Variants in PRKG1 observed in about 807,000 individuals in gnomAD.
The protein encoded by PRKG1 is cGMP-dependent protein kinase 1.
Under a neutral mutation model 88.1 loss-of-function variants are expected in PRKG1, and 35 were observed. That is an observed-to-expected ratio of 0.40 (90% CI 0.30 to 0.53). The LOEUF (loss-of-function observed/expected upper bound fraction) is 0.53. Ranked by LOEUF, PRKG1 falls within the 20% of genes least tolerant of loss-of-function variation. The pLI, the probability that PRKG1 is intolerant of heterozygous loss-of-function variation, is 0.59. For missense variants in PRKG1, 540 were observed against 839.8 expected (o/e 0.64, Z 4.41); for synonymous variants, 303 against 292.5 (o/e 1.04, Z -0.37).
At chr10:51,618,653 TAG>T (rs756742444) in intron 3 of PRKG1, among the ~76,000 whole-genome samples, 13 of 152,182 alleles carry the variant, frequency 8.5e-5, no homozygotes, top group Non-Finnish European at 1.8e-4. Context: ...ACAAGTAATA[TAG>T]AGTTTTGGAT....
chr10:51,804,847 T>A (rs1387921831), intron 4 of PRKG1, among the ~76,000 whole-genome samples, 157 bp downstream of exon 4: 1 of 152,028 alleles, frequency 6.6e-6, no homozygotes, highest in Non-Finnish European at 1.5e-5. Context: ...CATGCTTCTT[T>A]ATATTTCTGG....
intron 2 of PRKG1, among the ~76,000 whole-genome samples, chr10:51,226,692 A>G (rs998599572): frequency 2.6e-5 from 4 of 152,322 alleles, no homozygotes; most frequent in Middle Eastern, 3.4e-3. Flanking sequence ...AGGCAGATCC[A>G]AGAACTCCAC....
At chr10:51,879,810 G>A (rs1358992968) in intron 4 of PRKG1, among the ~76,000 whole-genome samples, 1 of 152,186 alleles carries the variant, frequency 6.6e-6, no homozygotes, top group Non-Finnish European at 1.5e-5. Flanking sequence ...AATGCCACCT[G>A]TGGGCATCTG....
chr10:51,864,028 T>C (rs1167430744), intron 4 of PRKG1, among the ~76,000 whole-genome samples: 1 of 152,202 alleles, frequency 6.6e-6, no homozygotes, highest in Non-Finnish European at 1.5e-5. Context: ...TCAGCATCCT[T>C]CCCAGCATCC....
At chr10:51,097,953 A>AG in intron 1 of PRKG1, among the ~76,000 whole-genome samples, 1 of 150,766 alleles carries the variant, frequency 6.6e-6, no homozygotes, top group South Asian at 2.1e-4. Context: ...TAACTGGAAA[A>AG]AAACTAGCCT....
At chr10:51,124,398 G>C (rs1380262498) in intron 1 of PRKG1, among the ~76,000 whole-genome samples, 1 of 151,822 alleles carries the variant, frequency 6.6e-6, no homozygotes, top group East Asian at 1.9e-4. Flanking sequence ...GGATGGAGAG[G>C]GTCTTTTTCT....
At chr10:52,226,786 A>G (rs6480767) in intron 9 of PRKG1, among the ~76,000 whole-genome samples, 20,158 of 151,934 alleles carry the variant, frequency 0.13, 2,408 homozygotes, top group African/African-American at 0.32. Flanking sequence ...GAACAGGTCA[A>G]AATCCATGGA....
chr10:51,114,978 T>A (rs1244716915), intron 1 of PRKG1, among the ~76,000 whole-genome samples: 2 of 152,100 alleles, frequency 1.3e-5, no homozygotes, highest in Non-Finnish European at 2.9e-5. Context: ...ATGTGCAATA[T>A]CTGATATATT....
rs1210537677 is a variant in PRKG1 at position 52,293,843 on chromosome 10, T to G, written c.2004T>G (p.Pro668=). The G allele has an allele frequency of 1.9e-6, 3 of 1,613,432 alleles. No individual in the cohort carries two copies. The change falls in exon 18 of 18, where the codon CCT becomes CCG. Residue 668 remains proline, a synonymous_variant. Coordinates refer to ENST00000373980, the MANE Select transcript of PRKG1 (RefSeq NM_006258.4). Reference sequence around the variant, plus strand: ...ACACAAGTAATTTTGACAGTTTCCCTGAGGACAACGATGAACCACCACCTG... The same window carrying G: ...ACACAAGTAATTTTGACAGTTTCCCGGAGGACAACGATGAACCACCACCTG... ...PTDTSNFDSF[P]EDNDEPPPDD... is the part of the protein sequence containing the mutation.
chr10:51,118,252 G>GA (rs1231052168), intron 1 of PRKG1, among the ~76,000 whole-genome samples: 3 of 151,382 alleles, frequency 2.0e-5, no homozygotes, highest in African/African-American at 2.4e-5. Flanking sequence ...ATGGGATTTT[G>GA]AAAAAAAATA....
chr10:51,859,691 C>A (rs953015326), intron 4 of PRKG1, among the ~76,000 whole-genome samples: 1 of 152,170 alleles, frequency 6.6e-6, no homozygotes, highest in Non-Finnish European at 1.5e-5. Context: ...ACTCCCCAAT[C>A]CCTTTTATCT....
chr10:51,750,309 A>G (rs1564632377), intron 3 of PRKG1, among the ~76,000 whole-genome samples: 1 of 152,122 alleles, frequency 6.6e-6, no homozygotes, highest in East Asian at 1.9e-4. Context: ...CTTGCACCCC[A>G]ATAATATATT....
At chr10:51,581,948 G>A (rs1458918952) in intron 3 of PRKG1, among the ~76,000 whole-genome samples, 2 of 151,690 alleles carry the variant, frequency 1.3e-5, no homozygotes, top group Middle Eastern at 3.2e-3. Context: ...AAAAAAAATG[G>A]GCTGGTCCTG....
At chr10:51,755,408 T>C (rs1837834099) in intron 3 of PRKG1, among the ~76,000 whole-genome samples, 1 of 152,186 alleles carries the variant, frequency 6.6e-6, no homozygotes, top group Non-Finnish European at 1.5e-5. Context: ...CTAGGCTTTC[T>C]CAACTATCTC....
intron 10 of PRKG1, among the ~76,000 whole-genome samples, chr10:52,265,430 C>T (rs1841547284): frequency 6.6e-6 from 1 of 152,034 alleles, no homozygotes; most frequent in African/African-American, 2.4e-5. Flanking sequence ...TAATTTTCTT[C>T]CAAAATAATT....
At chr10:51,972,544 T>C (rs1015789314) in intron 5 of PRKG1, among the ~76,000 whole-genome samples, 6 of 152,242 alleles carry the variant, frequency 3.9e-5, no homozygotes, top group Admixed American at 2.0e-4. Flanking sequence ...CTCATTTCCC[T>C]ACATGCACTT....
At chr10:51,695,084 T>C (rs1841253186) in intron 3 of PRKG1, among the ~76,000 whole-genome samples, 1 of 152,224 alleles carries the variant, frequency 6.6e-6, no homozygotes, top group Non-Finnish European at 1.5e-5. Context: ...TATTTTGTCC[T>C]GTTCCCATCT....
At chr10:51,336,613 C>G (rs1373833113) in intron 2 of PRKG1, among the ~76,000 whole-genome samples, 1 of 152,144 alleles carries the variant, frequency 6.6e-6, no homozygotes, top group African/African-American at 2.4e-5. Flanking sequence ...CCAGTTATAC[C>G]TGGCATAGAG....
At chr10:51,944,438 T>C (rs1842979994) in intron 5 of PRKG1, among the ~76,000 whole-genome samples, 1 of 152,100 alleles carries the variant, frequency 6.6e-6, no homozygotes, top group South Asian at 2.1e-4. Context: ...GAAGGGTTTT[T>C]TGTATCTCTA....
Sources: gnomAD v4.1 joint callset for allele counts (sites outside exome capture counted in the v4.1 genomes callset) on GRCh38, gnomAD v4.1.1 for gene constraint, MANE v1.5 for transcripts, NCBI Gene and HGNC (gene_info 2026-07-23, HGNC 2026-07-21) for gene names.